Variants in SOBP observed in about 807,000 individuals in gnomAD.
SOBP encodes sine oculis binding protein homolog, also known as sine oculis-binding protein homolog.
Under a neutral mutation model 53.6 loss-of-function variants are expected in SOBP, and 4 were observed. The ratio of observed to expected loss-of-function variants is 0.07; its 90% CI spans 0.04 to 0.17. The LOEUF is 0.17. Among genes scored for constraint, SOBP ranks in the 10% least tolerant of loss-of-function variants. SOBP has a pLI of 1.00. For synonymous variants in SOBP, 584 were observed against 522.6 expected, an observed-to-expected ratio of 1.12 and a Z score of -1.60; for missense variants, 1,088 against 1,204.7, an observed-to-expected ratio of 0.90 and a Z score of 1.43.
rs747619559 is a variant in SOBP, at chr6:107,633,912, C to T, written c.1068C>T (p.Ser356=). 3 of 1,614,198 alleles carry T rather than the reference C, an allele frequency of 1.9e-6. No homozygotes were observed. Among genetic ancestry groups the T allele is most frequent in the Non-Finnish European group, 2.5e-6 (3 of 1,180,038 alleles). Reference sequence around the variant, plus strand: ...CAGTGCCCAAGTCCATCCCCATCAGCGAGACTCCAAATATCCCTCCTGTCT... The same window carrying T: ...CAGTGCCCAAGTCCATCCCCATCAGTGAGACTCCAAATATCCCTCCTGTCT... ...PTPVPKSIPI[S]ETPNIPPVSV... Residue 356 remains serine (S), a synonymous_variant, in exon 6 of 7, where the codon AGC becomes AGT. Coordinates refer to ENST00000317357, the MANE Select transcript of SOBP (RefSeq NM_018013.4).
chr6:107,648,116 C>T (rs1409869682), intron 6 of SOBP, among the ~76,000 whole-genome samples: 2 of 152,166 alleles, frequency 1.3e-5, no homozygotes, highest in Non-Finnish European at 2.9e-5. Flanking sequence ...CTGCCGTTGA[C>T]CCACAGGTCA....
chr6:107,595,590 C>T (rs968302006), intron 5 of SOBP, among the ~76,000 whole-genome samples: 3 of 152,118 alleles, frequency 2.0e-5, no homozygotes, highest in Admixed American at 2.0e-4. Context: ...GGAAACTATA[C>T]ATCATATATC....
At chr6:107,605,173 C>T (rs531292658) in intron 5 of SOBP, among the ~76,000 whole-genome samples, 4 of 152,302 alleles carry the variant, frequency 2.6e-5, no homozygotes, top group African/African-American at 7.2e-5. Context: ...ATACATTTCG[C>T]CTTTGTTCTC....
intron 6 of SOBP, among the ~76,000 whole-genome samples, chr6:107,656,350 AAAG>A (rs1772061281): frequency 1.6e-5 from 1 of 64,216 alleles, no homozygotes; most frequent in African/African-American, 4.1e-5. Flanking sequence ...AAAGAGAAAG[AAAG>A]AAAGAAAGAA....
At chr6:107,591,986 T>TG (rs1389588258) in intron 5 of SOBP, among the ~76,000 whole-genome samples, 1,808 of 131,104 alleles carry the variant, frequency 0.014, 35 homozygotes, top group African/African-American at 0.047. Flanking sequence ...TTTTTTTTTT[T>TG]TTTTTTGTAA....
intron 3 of SOBP, among the ~76,000 whole-genome samples, chr6:107,532,849 C>G (rs1036107739): frequency 1.3e-5 from 2 of 152,192 alleles, no homozygotes; most frequent in African/African-American, 4.8e-5. Flanking sequence ...GTCTGTTCAG[C>G]GAGCCAGGCT....
chr6:107,543,170 C>G (rs900646570), intron 4 of SOBP, among the ~76,000 whole-genome samples: 2 of 152,062 alleles, frequency 1.3e-5, no homozygotes, highest in Admixed American at 6.6e-5. Flanking sequence ...TTATAAAGTC[C>G]CAAGCTAGTA....
In SOBP at chr6:107,612,561, T is replaced by A. The variant is rs906965791; in HGVS notation, c.670-20953T>A. On this transcript the variant is annotated intron_variant, in intron 5 of 6. Coordinates refer to ENST00000317357, the MANE Select transcript of SOBP (RefSeq NM_018013.4). Reference sequence around the variant, plus strand: ...GCCTACTGAACCAGAAACTGGAGAGTGGGGCCCAGGAATCTGTGGGCTAAT... The same window carrying A: ...GCCTACTGAACCAGAAACTGGAGAGAGGGGCCCAGGAATCTGTGGGCTAAT... Among the ~76,000 whole-genome samples the A allele has an allele frequency of 2.0e-5, 3 of 151,914 alleles. No individual in the cohort carries two copies. In the East Asian group the frequency reaches 5.8e-4, roughly 29 times the overall value.
chr6:107,491,007 T>C (rs1409711923), intron 1 of SOBP, among the ~76,000 whole-genome samples: 2 of 152,054 alleles, frequency 1.3e-5, no homozygotes, highest in African/African-American at 4.8e-5. Context: ...CGAGCGGCGT[T>C]GGGCAGGGGA....
chr6:107,658,584 A>G lies in SOBP; in HGVS notation c.*381A>G, dbSNP rs1433314304. On this transcript the variant is annotated 3_prime_UTR_variant, in exon 7 of 7. Coordinates refer to ENST00000317357, the MANE Select transcript of SOBP (RefSeq NM_018013.4). Reference sequence around the variant, plus strand: ...TCAGCGACTGAGGCTGGAAGATGATATGGATTGGAACACAAAAAATCTTTT... The same window carrying G: ...TCAGCGACTGAGGCTGGAAGATGATGTGGATTGGAACACAAAAAATCTTTT... 6.6e-6 allele frequency: 1 copy of G among 152,646 alleles called. No homozygotes were observed. The highest frequency in any genetic ancestry group is 2.4e-5 in the African/African-American group (1 of 41,452). The allele number at this position is 152,646 out of a possible 1,614,324, so 9.5% of individuals were successfully genotyped here.
In SOBP at chr6:107,618,118, C is replaced by T. The variant is rs180924721; in HGVS notation, c.670-15396C>T. The stretch of plus-strand genomic sequence containing the variant: ...TACTGGGATTACAGGTGTGAGCCAC[C>T]GTGCGCGGCCCGTATGCCTTCTTAT... On this transcript the variant is annotated intron_variant, in intron 5 of 6. Transcript: ENST00000317357. Among the ~76,000 whole-genome samples the T allele has an allele frequency of 3.2e-4, 49 of 152,228 alleles. No individual in the cohort carries two copies. The East Asian group carries it at 7.0e-3, about 22-fold the overall frequency.
At chr6:107,649,667 TA>T (rs11317552) in intron 6 of SOBP, among the ~76,000 whole-genome samples, 15,000 of 138,888 alleles carry the variant, frequency 0.11, 1,953 homozygotes, top group African/African-American at 0.31. Flanking sequence ...GTGTGTTTGT[TA>T]AAAAAAAAAA....
chr6:107,517,457 AG>A (rs1292119605), intron 3 of SOBP, among the ~76,000 whole-genome samples: 1 of 152,130 alleles, frequency 6.6e-6, no homozygotes, highest in Non-Finnish European at 1.5e-5. Flanking sequence ...TCTTCTCATA[AG>A]GGCACTAATC....
At chr6:107,646,590 C>T (rs2115170087) in intron 6 of SOBP, among the ~76,000 whole-genome samples, 1 of 152,368 alleles carries the variant, frequency 6.6e-6, no homozygotes, top group East Asian at 1.9e-4. Context: ...AGCAGAAAGG[C>T]TCAGGGGGCT....
chr6:107,529,258 C>G (rs1029783296), intron 3 of SOBP, among the ~76,000 whole-genome samples: 1 of 152,172 alleles, frequency 6.6e-6, no homozygotes, highest in Non-Finnish European at 1.5e-5. Context: ...AGTTTCTTGC[C>G]TGCTTTCCAG....
chr6:107,552,758 A>G (rs1042482212), intron 4 of SOBP, among the ~76,000 whole-genome samples: 1 of 152,078 alleles, frequency 6.6e-6, no homozygotes, highest in African/African-American at 2.4e-5. Context: ...GGCTGACTCT[A>G]TTTTAAAGTC....
chr6:107,634,999 G>A lies in SOBP; in HGVS notation c.2155G>A (p.Ala719Thr). ...GAPAGPEAAA[A>T]CNVIVNGTRG... is the part of the protein sequence containing the mutation. ...CCCGGCGGGCCCCGAGGCGGCCGCG[G>A]CCTGCAACGTCATCGTGAACGGCAC... is the stretch of plus-strand genomic sequence containing the variant. Residue 719 changes from alanine to threonine, a missense_variant, in exon 6 of 7, where the codon GCC (alanine) becomes ACC (threonine). Transcript: ENST00000317357. This position sits in a 1 kb window ranked among gnomAD's most constrained non-coding sequence, Gnocchi z 4.5. 8.9e-7 allele frequency: 1 copy of A among 1,118,150 alleles called. No individual in the cohort carries two copies. Among genetic ancestry groups the A allele is most frequent in the Non-Finnish European group, 1.1e-6 (1 of 915,964 alleles). 69.3% of individuals were successfully genotyped at this position (1,118,150 alleles called of 1,614,324 possible).
chr6:107,504,694 C>G (rs185070971), intron 2 of SOBP, among the ~76,000 whole-genome samples: 1 of 152,236 alleles, frequency 6.6e-6, no homozygotes, highest in Non-Finnish European at 1.5e-5. Flanking sequence ...TATTTCCAGT[C>G]TTTAAGATAG....
chr6:107,616,684 G>C (rs1044189139), intron 5 of SOBP, among the ~76,000 whole-genome samples: 3 of 152,206 alleles, frequency 2.0e-5, no homozygotes, highest in African/African-American at 7.2e-5. Flanking sequence ...AATCGGAGAG[G>C]GTTCTATGGC....
Sources: allele counts gnomAD v4.1 joint callset (sites outside exome capture counted in the v4.1 genomes callset), GRCh38; gene constraint gnomAD v4.1.1; non-coding constraint Gnocchi (gnomAD v3.1); transcripts MANE v1.5; gene names NCBI Gene and HGNC (gene_info 2026-07-23, HGNC 2026-07-21).